Variants in COL5A3 observed in about 807,000 individuals in gnomAD.
COL5A3 encodes collagen alpha-3(V) chain.
COL5A3 carries 172 observed loss-of-function variants against 250.0 expected under a neutral mutation model. That is an observed-to-expected ratio of 0.69 (90% CI 0.61 to 0.78). COL5A3 has a LOEUF of 0.78. COL5A3 is among the 30% of genes least tolerant of loss of function. The pLI, the probability that COL5A3 is intolerant of heterozygous loss-of-function variation, is 0.00. For missense variants in COL5A3, 2,340 were observed against 2,334.4 expected (o/e 1.00, Z -0.05); for synonymous variants, 937 against 900.4 (o/e 1.04, Z -0.73).
At chr19:10,010,222 C>A in intron 1 of COL5A3, 76 bp downstream of exon 1, 1 of 1,077,442 alleles carries the variant, frequency 9.3e-7, no homozygotes, top group Non-Finnish European at 1.2e-6. Flanking sequence ...GCCCCTCCAC[C>A]CCCCTCCACC....
In COL5A3 at chr19:10,005,782, C is replaced by T. The variant is rs375492927; in HGVS notation, c.437+14G>A. On this transcript the variant is annotated intron_variant, in intron 3 of 66. Coordinates refer to ENST00000264828, the MANE Select transcript of COL5A3 (RefSeq NM_015719.4). ...CCTTATCCACGGACCCCCGCCCACT[C>T]TCCCCATGCTCACCTGCCATCTGTG... The T allele has an allele frequency of 2.0e-5, 32 of 1,604,318 alleles. No individual in the cohort carries two copies. Among genetic ancestry groups the T allele is most frequent in the Non-Finnish European group, 2.5e-5 (29 of 1,173,558 alleles).
At chr19:9,996,750 A>G (rs916879610) in intron 11 of COL5A3, 61 bp from the exon 12 acceptor site, 11 of 1,334,392 alleles carry the variant, frequency 8.2e-6, no homozygotes, top group Middle Eastern at 4.1e-4. Flanking sequence ...GAGAGCGAGG[A>G]CAGGGGAGGC....
In COL5A3 at chr19:9,965,156, CT is replaced by C. The variant is rs771519552; in HGVS notation, c.4782+1157del. 4.2e-3 allele frequency among the ~76,000 whole-genome samples: 425 copies of C among 100,288 alleles called. 4 individuals carry two copies. The highest frequency in any genetic ancestry group is 0.031 in the South Asian group (83 of 2,686). The allele number at this position is 100,288 out of a possible 152,430, so 65.8% of individuals were successfully genotyped here. ...TACTTTCTTTTTTTCTTTTCTTTTTCTTTTTTTTTTTTTTTTGAGATGGAGT... is the reference window on the plus strand; with the variant it reads ...TACTTTCTTTTTTTCTTTTCTTTTTCTTTTTTTTTTTTTTTGAGATGGAGT... On this transcript the variant is annotated intron_variant, in intron 64 of 66. Coordinates refer to ENST00000264828, the MANE Select transcript of COL5A3 (RefSeq NM_015719.4).
intron 23 of COL5A3, 53 bp from the exon 24 acceptor site, chr19:9,991,707 T>C: frequency 6.2e-7 from 1 of 1,604,214 alleles, no homozygotes; most frequent in Non-Finnish European, 8.5e-7. Context: ...GCGGTGAGTG[T>C]GGAGGTTGGG....
intron 27 of COL5A3, among the ~76,000 whole-genome samples, chr19:9,988,510 C>T (rs965812174): frequency 2.6e-5 from 4 of 152,072 alleles, no homozygotes; most frequent in Non-Finnish European, 4.4e-5. Context: ...GCATACTGTG[C>T]TTATGTGATT....
intron 1 of COL5A3, 79 bp downstream of exon 1, chr19:10,010,219 C>A: frequency 9.7e-7 from 1 of 1,034,878 alleles, no homozygotes. Flanking sequence ...CACGCCCCTC[C>A]ACCCCCCTCC....
intron 8 of COL5A3, among the ~76,000 whole-genome samples, chr19:9,999,797 C>T (rs1227332514): frequency 1.3e-5 from 2 of 152,114 alleles, no homozygotes; most frequent in African/African-American, 4.8e-5. Context: ...AGAGAAAGGT[C>T]TTGCTCTGCC....
chr19:9,970,776 A>C, intron 53 of COL5A3, 101 bp from the exon 54 acceptor site: 2 of 1,090,836 alleles, frequency 1.8e-6, no homozygotes, highest in Non-Finnish European at 2.5e-6. Context: ...CCCAAGCCTC[A>C]CCCCAGCACC....
At position 9,986,331 on chromosome 19, in the gene COL5A3, C is replaced by T. The variant is rs766577924; in HGVS notation, c.2336G>A (p.Gly779Asp). 8.2e-6 allele frequency: 13 copies of T among 1,579,236 alleles called. No individual in the cohort carries two copies. Among genetic ancestry groups the T allele is most frequent in the Non-Finnish European group, 1.1e-5 (13 of 1,169,696 alleles). Residue 779 changes from glycine (G) to aspartate (D), a missense_variant, in exon 30 of 67, where the codon GGC becomes GAC. By Grantham distance (94) the Gly-to-Asp change is moderately conservative. This residue lies in a region of COL5A3 where 1,152 missense variants were observed against 1,146.3 expected (regional missense o/e 1.00). Coordinates refer to ENST00000264828, the MANE Select transcript of COL5A3 (RefSeq NM_015719.4). ...GTCATTTACCTTCTCCCCAGCTGAG[C>T]CTGGGGGCCCCTCCTCGCCAGCCTG... is the stretch of plus-strand genomic sequence containing the variant. The part of the protein sequence containing the change: ...AGQAGEEGPP[G>D]SAGEKGKLGV...
At chr19:9,961,850 G>A (rs1325904503) in intron 65 of COL5A3, among the ~76,000 whole-genome samples, 1 of 152,070 alleles carries the variant, frequency 6.6e-6, no homozygotes, top group Non-Finnish European at 1.5e-5. Context: ...GAGCCACTGT[G>A]CCTGGCCCTG....
Position 9,968,281 on chromosome 19 carries a change from A to G in COL5A3, c.4314+104T>C. Reference sequence around the variant, plus strand: ...ACATCCCCCTATTTTCCCCACACACACCCTCATTAATCCAGACCCACGTTT... The same window carrying G: ...ACATCCCCCTATTTTCCCCACACACGCCCTCATTAATCCAGACCCACGTTT... On this transcript the variant is annotated intron_variant, in intron 59 of 66. Transcript: ENST00000264828. The surrounding 1 kb of genome is among the most constrained non-coding windows in gnomAD (Gnocchi z 4.1). 9.4e-7 allele frequency: 1 copy of G among 1,063,700 alleles called. No individual in the cohort carries two copies. 65.9% of individuals were successfully genotyped at this position (1,063,700 alleles called of 1,614,324 possible).
At chr19:9,991,887 G>A (rs7251451) in intron 22 of COL5A3, 46 bp from the exon 23 acceptor site, 66,726 of 1,594,674 alleles carry the variant, frequency 0.042, 3,301 homozygotes, top group African/African-American at 0.26. Flanking sequence ...GGGTCATGGT[G>A]TTGGGGCGTT....
Position 10,004,106 on chromosome 19 carries a change from C to T in COL5A3, c.634G>A (p.Ala212Thr), listed in dbSNP as rs781621613. ...QELLISPDPQ[A>T]AFQACERYLP... ...TACCGCTCACAAGCCTGGAAGGCAG[C>T]CTGAGGATCTGGGCTTATCAGCAGC... The change falls in exon 5 of 67, where the codon GCT becomes ACT. Residue 212 changes from alanine to threonine, a missense_variant. Coordinates refer to ENST00000264828, the MANE Select transcript of COL5A3 (RefSeq NM_015719.4). 9.3e-6 allele frequency: 15 copies of T among 1,613,922 alleles called. No homozygotes were observed. In the South Asian group the frequency reaches 9.9e-5, roughly 11 times the overall value.
At position 9,962,881 on chromosome 19, in the gene COL5A3, A is replaced by G. The variant is rs751745540; in HGVS notation, c.4789T>C (p.Leu1597=). 17 of 1,609,032 alleles carry G rather than the reference A, an allele frequency of 1.1e-5. No individual in the cohort carries two copies. The highest frequency in any genetic ancestry group is 1.3e-5 in the Non-Finnish European group (15 of 1,177,390). Residue 1597 remains leucine (L), a synonymous_variant, in exon 65 of 67, where the codon TTG becomes CTG. Coordinates refer to ENST00000264828, the MANE Select transcript of COL5A3 (RefSeq NM_015719.4). ...YPDKKFEIVK[L]ASWSKEKPGG... is the part of the protein sequence containing the mutation. ...GGCTTTTCCTTGGACCAGGAGGCCA[A>G]TTTCACCTGGAAGAGAAAAGGGAGG...
At chr19:9,993,326 T>C in intron 19 of COL5A3, 54 bp downstream of exon 19, 1 of 1,583,298 alleles carries the variant, frequency 6.3e-7, no homozygotes, top group Non-Finnish European at 8.7e-7. Context: ...TGATTCTCAC[T>C]CAGGCTTCCA....
intron 64 of COL5A3, among the ~76,000 whole-genome samples, chr19:9,965,687 AGGTGATCTGCCCCCGCTTG>A (rs770855468): frequency 1.9e-4 from 25 of 128,558 alleles, no homozygotes; most frequent in Non-Finnish European, 3.2e-4. Flanking sequence ...TCCTGACCTC[AGGTGATCTGCCCCCGCTTG>A]GCCTCCCAAA....
At chr19:9,979,094 G>C in intron 39 of COL5A3, 38 bp downstream of exon 39, 1 of 1,498,154 alleles carries the variant, frequency 6.7e-7, no homozygotes, top group Non-Finnish European at 9.0e-7. Flanking sequence ...GGTTGATCTT[G>C]GATGTTCAAC....
chr19:9,965,859 A>T (rs570701789), intron 64 of COL5A3, among the ~76,000 whole-genome samples: 1 of 152,126 alleles, frequency 6.6e-6, no homozygotes, highest in African/African-American at 2.4e-5. Context: ...TCTGAGAAGG[A>T]GACTTGCTCT....
At chr19:9,977,842 C>A in intron 41 of COL5A3, 141 bp from the exon 42 acceptor site, 1 of 536,340 alleles carries the variant, frequency 1.9e-6, no homozygotes, top group Non-Finnish European at 3.0e-6. Context: ...CCAGAGGGTG[C>A]CTGTGAGCAC....
Sources: allele counts gnomAD v4.1 joint callset (sites outside exome capture counted in the v4.1 genomes callset), GRCh38; gene constraint gnomAD v4.1.1; regional missense constraint gnomAD v4.1.1; non-coding constraint Gnocchi (gnomAD v3.1); transcripts MANE v1.5; gene names NCBI Gene and HGNC (gene_info 2026-07-23, HGNC 2026-07-21).